Variants in BTRC observed in about 807,000 individuals in gnomAD.
BTRC encodes F-box/WD repeat-containing protein 1A.
In BTRC, 42 loss-of-function variants were observed where a neutral mutation model predicts 85.5. The ratio of observed to expected loss-of-function variants is 0.49; its 90% confidence interval spans 0.38 to 0.64. The LOEUF (loss-of-function observed/expected upper bound fraction) is 0.64, where lower values mean the gene tolerates loss of function less well. Among genes scored for constraint, BTRC ranks in the 30% least tolerant of loss-of-function variants. BTRC has a pLI of 0.00. For synonymous variants in BTRC, 255 were observed against 263.3 expected (o/e 0.97, Z 0.30); for missense variants, 594 against 743.5 (o/e 0.80, Z 2.34).
intron 1 of BTRC, among the ~76,000 whole-genome samples, chr10:101,391,185 C>T (rs532994770): frequency 6.6e-6 from 1 of 152,218 alleles, no homozygotes; most frequent in Non-Finnish European, 1.5e-5. Flanking sequence ...AATATTTCAG[C>T]CCTTAAGCAG....
At chr10:101,522,437 T>A (rs2062130421) in intron 5 of BTRC, among the ~76,000 whole-genome samples, 1 of 121,532 alleles carries the variant, frequency 8.2e-6, no homozygotes, top group Non-Finnish European at 1.7e-5. Context: ...TTTTTTTTTT[T>A]GAGACAAAGT....
At chr10:101,525,124 A>G (rs2062171148) in intron 5 of BTRC, among the ~76,000 whole-genome samples, 1 of 152,216 alleles carries the variant, frequency 6.6e-6, no homozygotes, top group Non-Finnish European at 1.5e-5. Flanking sequence ...AACAGCAGGC[A>G]AAAGAAGTTT....
chr10:101,479,540 A>G, intron 4 of BTRC, 83 bp downstream of exon 4: 1 of 1,120,420 alleles, frequency 8.9e-7, no homozygotes, highest in Non-Finnish European at 1.3e-6. Flanking sequence ...AGTATTGCTT[A>G]AGGATTATTA....
At chr10:101,483,376 C>T (rs543894763) in intron 4 of BTRC, among the ~76,000 whole-genome samples, 165 of 152,280 alleles carry the variant, frequency 1.1e-3, no homozygotes, top group African/African-American at 3.5e-3. Context: ...GGGTGGATCA[C>T]GAGGTCAGGA....
chr10:101,530,812 A>G (rs941867290), intron 6 of BTRC, among the ~76,000 whole-genome samples: 2 of 152,208 alleles, frequency 1.3e-5, no homozygotes, highest in Non-Finnish European at 2.9e-5. Context: ...TCCTCCGCAG[A>G]CAGCTATGGA....
At chr10:101,463,948 T>TA (rs11332648) in intron 3 of BTRC, among the ~76,000 whole-genome samples, 66 of 148,660 alleles carry the variant, frequency 4.4e-4, no homozygotes, top group Admixed American at 1.2e-3. Flanking sequence ...CAGGAAGCTT[T>TA]AAAAAAAAAA....
At position 101,532,278 on chromosome 10, in the gene BTRC, C is replaced by G. The variant is rs773118049; in HGVS notation, c.841-17C>G. 4 of 1,601,558 alleles carry G rather than the reference C, an allele frequency of 2.5e-6. No homozygotes were observed. Among genetic ancestry groups the G allele is most frequent in the Non-Finnish European group, 2.6e-6 (3 of 1,175,184 alleles). On this transcript the variant is annotated splice_polypyrimidine_tract_variant and intron_variant, in intron 7 of 14. Coordinates refer to ENST00000370187, the MANE Select transcript of BTRC (RefSeq NM_033637.4). ...GGTGTTTCCTAACACTGCCTCTTTCCCATTCCTTCTTCTCAGACAATAGAA... is the reference window on the plus strand; with the variant it reads ...GGTGTTTCCTAACACTGCCTCTTTCGCATTCCTTCTTCTCAGACAATAGAA...
At chr10:101,355,013 G>C (rs895167498) in intron 1 of BTRC, among the ~76,000 whole-genome samples, 1 of 152,198 alleles carries the variant, frequency 6.6e-6, no homozygotes, top group African/African-American at 2.4e-5. Context: ...ACTGTAATAA[G>C]GACAAGGTGA....
intron 3 of BTRC, among the ~76,000 whole-genome samples, chr10:101,474,976 A>G (rs913993136): frequency 1.3e-5 from 2 of 152,322 alleles, no homozygotes; most frequent in South Asian, 4.1e-4. Context: ...TTTTTCAGCA[A>G]ATACTGATTA....
intron 1 of BTRC, among the ~76,000 whole-genome samples, chr10:101,422,900 C>T (rs371932644): frequency 6.6e-6 from 1 of 152,128 alleles, no homozygotes; most frequent in East Asian, 1.9e-4. Context: ...AGTCAGGTAG[C>T]ATGATGCCTC....
intron 7 of BTRC, among the ~76,000 whole-genome samples, chr10:101,532,046 C>T (rs1263213385): frequency 2.0e-5 from 3 of 152,128 alleles, no homozygotes; most frequent in Admixed American, 6.5e-5. Context: ...TCTCTTTCCA[C>T]CAGATTTATT....
intron 3 of BTRC, among the ~76,000 whole-genome samples, chr10:101,462,874 A>G (rs1216858624): frequency 2.0e-5 from 3 of 151,534 alleles, no homozygotes; most frequent in Non-Finnish European, 4.4e-5. Flanking sequence ...ATTTTATTTT[A>G]TTTTTATTTT....
rs556352720 is a variant in BTRC, at chr10:101,531,344, A to G, written c.840+11A>G. The stretch of plus-strand genomic sequence containing the variant: ...ATACAAGACATTGAGGTAAGAATCT[A>G]TGTATTTTGGGGTATTGCCCAAGGG... On this transcript the variant is annotated intron_variant, in intron 7 of 14. Coordinates refer to ENST00000370187, the MANE Select transcript of BTRC (RefSeq NM_033637.4). 6.4e-6 allele frequency: 10 copies of G among 1,572,338 alleles called. No homozygotes were observed. The highest frequency in any genetic ancestry group is 2.2e-5 in the South Asian group (2 of 89,180).
At chr10:101,416,856 C>T (rs1589441448) in intron 1 of BTRC, among the ~76,000 whole-genome samples, 1 of 152,060 alleles carries the variant, frequency 6.6e-6, no homozygotes, top group East Asian at 1.9e-4. Flanking sequence ...TTTTATTTAG[C>T]TTCTATAATT....
intron 2 of BTRC, among the ~76,000 whole-genome samples, chr10:101,441,879 C>CA (rs35543012): frequency 0.57 from 48,962 of 85,726 alleles, 15,285 homozygotes; most frequent in African/African-American, 0.7. Context: ...GAGACTGTCT[C>CA]AAAAAAAAAA....
chr10:101,437,417 G>A (rs1397808985), intron 2 of BTRC, among the ~76,000 whole-genome samples: 7 of 151,978 alleles, frequency 4.6e-5, no homozygotes, highest in Non-Finnish European at 7.4e-5. Flanking sequence ...GTGCCTGTGC[G>A]TGCACACACA....
At chr10:101,486,313 G>T (rs534394761) in intron 4 of BTRC, among the ~76,000 whole-genome samples, 1 of 152,136 alleles carries the variant, frequency 6.6e-6, no homozygotes, top group Non-Finnish European at 1.5e-5. Flanking sequence ...AAATCTGCCC[G>T]AATGGTGGGG....
At chr10:101,521,136 A>G (rs1351623268) in intron 4 of BTRC, among the ~76,000 whole-genome samples, 1 of 152,002 alleles carries the variant, frequency 6.6e-6, no homozygotes, top group Non-Finnish European at 1.5e-5. Flanking sequence ...GCAGGACATG[A>G]TAGTGTGTAC....
At chr10:101,515,573 G>A (rs1048916716) in intron 4 of BTRC, among the ~76,000 whole-genome samples, 37 of 149,812 alleles carry the variant, frequency 2.5e-4, no homozygotes, top group African/African-American at 7.1e-4. Context: ...GTGCAGTGGC[G>A]TGATCTCAGC....
Sources: gnomAD v4.1 joint callset for allele counts (sites outside exome capture counted in the v4.1 genomes callset) on GRCh38, gnomAD v4.1.1 for gene constraint, MANE v1.5 for transcripts, NCBI Gene and HGNC (gene_info 2026-07-23, HGNC 2026-07-21) for gene names.